SUMF1: variants seen among roughly 807,000 people sequenced by gnomAD.
The protein encoded by SUMF1 is formylglycine-generating enzyme.
Under a neutral mutation model 47.6 loss-of-function variants are expected in SUMF1, and 48 were observed. The observed-to-expected ratio is 1.01, with a 90% confidence interval of 0.80 to 1.28. The LOEUF (loss-of-function observed/expected upper bound fraction) is 1.28, where lower values mean the gene tolerates loss of function less well. Among genes scored for constraint, SUMF1 ranks in the 50% most tolerant of loss-of-function variants. The pLI is 0.00. For missense variants in SUMF1, 571 were observed against 485.4 expected, an observed-to-expected ratio of 1.18 and a Z score of -1.66; for synonymous variants, 230 against 192.1, an observed-to-expected ratio of 1.20 and a Z score of -1.63.
intron 4 of SUMF1, among the ~76,000 whole-genome samples, chr3:4,419,558 T>G (rs1329829631): frequency 2.6e-5 from 4 of 152,202 alleles, no homozygotes; most frequent in Admixed American, 1.3e-4. Flanking sequence ...GGAGACTTGC[T>G]GACCGACTTG....
At chr3:4,441,189 C>T (rs552180324) in intron 3 of SUMF1, among the ~76,000 whole-genome samples, 6 of 152,192 alleles carry the variant, frequency 3.9e-5, no homozygotes, top group South Asian at 4.1e-4. Flanking sequence ...AGATCAGTAG[C>T]GGCATTAGAT....
intron 7 of SUMF1, among the ~76,000 whole-genome samples, chr3:4,396,383 A>T (rs1575171992): frequency 6.6e-6 from 1 of 152,350 alleles, no homozygotes; most frequent in South Asian, 2.1e-4. Flanking sequence ...CTTACAAGAG[A>T]TTGCAAATAG....
chr3:4,273,663 A>G (rs1401973687), intron 8 of SUMF1, among the ~76,000 whole-genome samples: 2 of 145,346 alleles, frequency 1.4e-5, no homozygotes, highest in Non-Finnish European at 3.0e-5. Flanking sequence ...AGTAAATTAT[A>G]CTCAATAAAG....
At chr3:4,244,389 C>G (rs1696613792) in intron 8 of SUMF1, among the ~76,000 whole-genome samples, 1 of 152,206 alleles carries the variant, frequency 6.6e-6, no homozygotes, top group South Asian at 2.1e-4. Flanking sequence ...TCTGCAGTGG[C>G]TGGTATCAGT....
At chr3:4,043,268 G>A (rs544582824) in intron 9 of SUMF1, among the ~76,000 whole-genome samples, 17 of 152,116 alleles carry the variant, frequency 1.1e-4, no homozygotes, top group African/African-American at 7.2e-5. Flanking sequence ...CTGGCACCTC[G>A]TCCTCTCTTC....
At chr3:4,317,726 T>G (rs1222063481) in intron 8 of SUMF1, among the ~76,000 whole-genome samples, 2 of 152,212 alleles carry the variant, frequency 1.3e-5, no homozygotes, top group African/African-American at 4.8e-5. Context: ...ATGTAGTCAC[T>G]CTCCAGTGTG....
chr3:4,159,896 A>AGTGC (rs1417638475), intron 8 of SUMF1, among the ~76,000 whole-genome samples: 1 of 152,124 alleles, frequency 6.6e-6, no homozygotes, highest in Non-Finnish European at 1.5e-5. Flanking sequence ...CCTGGCCTAT[A>AGTGC]CAGTTTCCAC....
intron 8 of SUMF1, among the ~76,000 whole-genome samples, chr3:4,136,046 C>T (rs1023483444): frequency 3.2e-4 from 48 of 152,254 alleles, no homozygotes; most frequent in African/African-American, 1.0e-3. Context: ...AATGGCCATA[C>T]TGCCCAAGGT....
intron 8 of SUMF1, among the ~76,000 whole-genome samples, chr3:4,300,981 CTCTA>C (rs752734737): frequency 1.1e-3 from 152 of 139,292 alleles, no homozygotes; most frequent in African/African-American, 2.0e-3. Context: ...CAAAATGTTT[CTCTA>C]TCTATCTATC....
intron 8 of SUMF1, among the ~76,000 whole-genome samples, chr3:4,130,775 A>G (rs548235005): frequency 1.3e-5 from 2 of 152,186 alleles, no homozygotes; most frequent in Non-Finnish European, 2.9e-5. Context: ...ACATTCCTCA[A>G]TTAGGTGTAT....
At chr3:4,463,904 G>A (rs1182963434) in intron 1 of SUMF1, among the ~76,000 whole-genome samples, 1 of 152,144 alleles carries the variant, frequency 6.6e-6, no homozygotes, top group Non-Finnish European at 1.5e-5. Flanking sequence ...TATAACCAGA[G>A]GGAATACACA....
chr3:4,081,137 T>A (rs142292235), intron 8 of SUMF1, among the ~76,000 whole-genome samples: 64 of 152,246 alleles, frequency 4.2e-4, no homozygotes, highest in Non-Finnish European at 8.5e-4. Flanking sequence ...TGCCTCCTAT[T>A]TTACAGATAA....
rs368357213 is a variant in SUMF1 at position 4,227,546 on chromosome 3, G to A, written c.1014+148784C>T. Among the ~76,000 whole-genome samples the A allele has an allele frequency of 2.0e-5, 3 of 152,164 alleles. No homozygotes were observed. The East Asian group carries it at 5.8e-4, about 29-fold the overall frequency. On this transcript the variant is annotated intron_variant and NMD_transcript_variant, in intron 8 of 12. Coordinates refer to the SUMF1 transcript ENST00000448413. ...ACCCCTCCCTCACACAGATAGACAT[G>A]TTCTCCACACTACCTTGGGAGATTA...
chr3:4,109,340 C>T (rs533922715), intron 8 of SUMF1, among the ~76,000 whole-genome samples: 2 of 152,226 alleles, frequency 1.3e-5, no homozygotes, highest in African/African-American at 4.8e-5. Flanking sequence ...CGACCTTTCT[C>T]TCTGGCTGCC....
intron 8 of SUMF1, among the ~76,000 whole-genome samples, chr3:4,245,111 C>A (rs1377546414): frequency 1.3e-5 from 2 of 152,086 alleles, no homozygotes; most frequent in Non-Finnish European, 2.9e-5. Flanking sequence ...CTCTTCTCTA[C>A]ACTGGTTATT....
rs62258063 is a variant in SUMF1 at position 4,207,060 on chromosome 3, C to A, written c.1015-138315G>T. Among the ~76,000 whole-genome samples, 709 of 152,038 alleles carry A rather than the reference C, an allele frequency of 4.7e-3. 3 individuals carry two copies. Among genetic ancestry groups the A allele is most frequent in the Non-Finnish European group, 6.9e-3 (467 of 67,946 alleles). On this transcript the variant is annotated intron_variant and NMD_transcript_variant, in intron 8 of 12. Coordinates refer to the SUMF1 transcript ENST00000448413. Reference sequence around the variant, plus strand: ...GTTTTATAGTTTTTATTATATAGTTCTTGTACTTTAAAAAATTTATTCCCA... The same window carrying A: ...GTTTTATAGTTTTTATTATATAGTTATTGTACTTTAAAAAATTTATTCCCA...
chr3:4,110,289 T>A (rs181620400), intron 8 of SUMF1, among the ~76,000 whole-genome samples: 38 of 152,222 alleles, frequency 2.5e-4, no homozygotes, highest in African/African-American at 8.4e-4. Context: ...CTGGAAGTTT[T>A]GTCTCAGAGG....
chr3:4,461,357 T>A (rs564859414), intron 1 of SUMF1, among the ~76,000 whole-genome samples: 7 of 152,248 alleles, frequency 4.6e-5, no homozygotes, highest in Admixed American at 4.6e-4. Flanking sequence ...ATTGAAGACA[T>A]CAGACAAAAG....
At chr3:4,253,655 C>T (rs1436640179) in intron 8 of SUMF1, among the ~76,000 whole-genome samples, 4 of 151,716 alleles carry the variant, frequency 2.6e-5, no homozygotes, top group Non-Finnish European at 5.9e-5. Flanking sequence ...AGTCTGTGAT[C>T]AAACTGCAAG....
Sources: gnomAD v4.1 joint callset for allele counts (sites outside exome capture counted in the v4.1 genomes callset) on GRCh38, gnomAD v4.1.1 for gene constraint, MANE v1.5 for transcripts, NCBI Gene and HGNC (gene_info 2026-07-23, HGNC 2026-07-21) for gene names.